SLC6A5: variants seen among roughly 807,000 people sequenced by gnomAD.
SLC6A5 encodes sodium- and chloride-dependent glycine transporter 2.
In SLC6A5, 58 loss-of-function variants were observed where a neutral mutation model predicts 90.5. The observed-to-expected ratio is 0.64, with a 90% confidence interval of 0.52 to 0.80. SLC6A5 has a LOEUF of 0.80. SLC6A5 is among the 30% of genes least tolerant of loss of function. The probability of loss-of-function intolerance (pLI) is 0.00; values close to 1 mark genes in which losing one functional copy is unlikely to be tolerated. For missense variants in SLC6A5, 1,015 were observed against 1,017.6 expected (o/e 1.00, Z 0.03); for synonymous variants, 427 against 401.4 (o/e 1.06, Z -0.76).
At position 20,637,048 on chromosome 11, in the gene SLC6A5, T is replaced by A. The variant is rs1037448428; in HGVS notation, c.1738-124T>A. On this transcript the variant is annotated intron_variant, in intron 11 of 15. Coordinates refer to ENST00000525748, the MANE Select transcript of SLC6A5 (RefSeq NM_004211.5). ...AGGCTTTTTAGACCCATTGAGGGAA[T>A]GCCATCCTAAAAACCAAACCTAACA... 6 of 1,000,372 alleles carry A rather than the reference T, an allele frequency of 6.0e-6. No homozygotes were observed. The African/African-American group carries it at 9.4e-5, about 16-fold the overall frequency. The allele number at this position is 1,000,372 out of a possible 1,614,324, so 62.0% of individuals were successfully genotyped here. A position where few individuals can be genotyped will look rare whatever the true frequency, so the allele number is the denominator to read the frequency against.
At chr11:20,620,862 C>T (rs1852875393) in intron 7 of SLC6A5, among the ~76,000 whole-genome samples, 1 of 151,990 alleles carries the variant, frequency 6.6e-6, no homozygotes, top group South Asian at 2.1e-4. Context: ...TGCAGTGGTG[C>T]CATCTTGGCT....
chr11:20,649,978 T>G (rs1294693711), intron 14 of SLC6A5, among the ~76,000 whole-genome samples: 2 of 152,230 alleles, frequency 1.3e-5, no homozygotes, highest in Admixed American at 6.5e-5. Context: ...ATTGAATTAT[T>G]ATTGTACTGA....
At chr11:20,613,537 T>A (rs1474568011) in intron 5 of SLC6A5, among the ~76,000 whole-genome samples, 1 of 152,144 alleles carries the variant, frequency 6.6e-6, no homozygotes, top group Non-Finnish European at 1.5e-5. Flanking sequence ...ATCATTAAAG[T>A]GTTCAACACA....
At chr11:20,616,433 G>A (rs1852784373) in intron 6 of SLC6A5, among the ~76,000 whole-genome samples, 1 of 152,180 alleles carries the variant, frequency 6.6e-6, no homozygotes, top group African/African-American at 2.4e-5. Flanking sequence ...GCTTTTGATG[G>A]CCTTTACTAA....
At chr11:20,640,179 T>C (rs1287689053) in intron 13 of SLC6A5, among the ~76,000 whole-genome samples, 2 of 152,126 alleles carry the variant, frequency 1.3e-5, no homozygotes, top group Non-Finnish European at 2.9e-5. Context: ...AGACGATCAG[T>C]TGGCAAAGTC....
At chr11:20,652,183 A>C in intron 14 of SLC6A5, 106 bp from the exon 15 acceptor site, 1 of 1,031,496 alleles carries the variant, frequency 9.7e-7, no homozygotes. Flanking sequence ...TGGGTATAGA[A>C]TAATAGAGAC....
chr11:20,601,557 C>T lies in SLC6A5; in HGVS notation c.432C>T (p.Asn144=). Residue 144 remains asparagine (N), a synonymous_variant, in exon 2 of 16, where the codon AAC becomes AAT. Coordinates refer to ENST00000525748, the MANE Select transcript of SLC6A5 (RefSeq NM_004211.5). ...VSVGKGTLER[N]NTPVVGWVNM... ...TGGGCAAGGGCACCCTGGAGCGGAA[C>T]AATACCCCTGTTGTGGGCTGGGTGA... The T allele has an allele frequency of 6.2e-7, 1 of 1,614,166 alleles. No individual in the cohort carries two copies. The highest frequency in any genetic ancestry group is 8.5e-7 in the Non-Finnish European group (1 of 1,179,992).
chr11:20,647,159 C>T (rs1853432128), intron 14 of SLC6A5, among the ~76,000 whole-genome samples: 2 of 148,312 alleles, frequency 1.3e-5, no homozygotes, highest in South Asian at 4.3e-4. Context: ...AGGACTCATG[C>T]AAAGGTCTTT....
chr11:20,611,167 C>T (rs1852686023), intron 5 of SLC6A5, among the ~76,000 whole-genome samples: 1 of 152,200 alleles, frequency 6.6e-6, no homozygotes, highest in African/African-American at 2.4e-5. Context: ...TTTAAAGACT[C>T]CTACCAGCTT....
chr11:20,599,642 C>A lies in SLC6A5; in HGVS notation c.-31C>A. ...TCTTGTCAATAGCGGGTTTCACCCT[C>A]CACCAGTTCAGTCTGTTGCCTGTGT... On this transcript the variant is annotated 5_prime_UTR_variant, in exon 1 of 16. Coordinates refer to ENST00000525748, the MANE Select transcript of SLC6A5 (RefSeq NM_004211.5). 1 of 1,614,158 alleles carries A rather than the reference C, an allele frequency of 6.2e-7. No individual in the cohort carries two copies.
chr11:20,641,151 G>T (rs1341698489), intron 13 of SLC6A5, among the ~76,000 whole-genome samples: 1 of 152,290 alleles, frequency 6.6e-6, no homozygotes, highest in Non-Finnish European at 1.5e-5. Context: ...TATCTAAGTA[G>T]AGTCATTTTG....
At chr11:20,652,208 C>G (rs543628965) in intron 14 of SLC6A5, 81 bp from the exon 15 acceptor site, 1 of 1,291,030 alleles carries the variant, frequency 7.7e-7, no homozygotes, top group African/African-American at 1.4e-5. Flanking sequence ...GCATCAAACT[C>G]ATAACGGGGG....
At chr11:20,625,832 C>T (rs1185317628) in intron 7 of SLC6A5, among the ~76,000 whole-genome samples, 1 of 152,220 alleles carries the variant, frequency 6.6e-6, no homozygotes, top group African/African-American at 2.4e-5. Context: ...TCTCCATGAA[C>T]GTCTTAGTAG....
Position 20,630,809 on chromosome 11 carries a change from G to T in SLC6A5, c.1618G>T (p.Asp540Tyr). Residue 540 changes from aspartate (D) to tyrosine (Y), a missense_variant, in exon 10 of 16, where the codon GAC becomes TAC. Coordinates refer to ENST00000525748, the MANE Select transcript of SLC6A5 (RefSeq NM_004211.5). ...ERKVNIENVA[D>Y]QGPGIAFVVY... ...CAAAGTCAACATTGAGAATGTGGCA[G>T]ACCAAGGTACAGGACAGTTGTTACC... 6.2e-7 allele frequency: 1 copy of T among 1,614,176 alleles called. No homozygotes were observed. Among genetic ancestry groups the T allele is most frequent in the South Asian group, 1.1e-5 (1 of 91,078 alleles).
chr11:20,619,866 C>A (rs550338524), intron 7 of SLC6A5, among the ~76,000 whole-genome samples: 19 of 152,260 alleles, frequency 1.2e-4, no homozygotes, highest in South Asian at 8.3e-4. Context: ...CCCTGAGGAA[C>A]CTGCTGGCTC....
chr11:20,616,792 C>G (rs149446662), intron 6 of SLC6A5, among the ~76,000 whole-genome samples: 1 of 152,318 alleles, frequency 6.6e-6, no homozygotes, highest in African/African-American at 2.4e-5. Context: ...TGCCAAACAG[C>G]CTCTCAAGCT....
In SLC6A5 at chr11:20,632,028, G is replaced by A. The variant is rs75893299; in HGVS notation, c.1624+1213G>A. 2.5e-3 allele frequency among the ~76,000 whole-genome samples: 373 copies of A among 152,240 alleles called. 4 individuals are homozygous for A. Among genetic ancestry groups the A allele is most frequent in the African/African-American group, 8.5e-3 (355 of 41,534 alleles). ...AAAACCCTGAGGGGTGTTTGGTTCC[G>A]CAGCAATGCACTAAATTAGAGGGGC... On this transcript the variant is annotated intron_variant, in intron 10 of 15. Transcript: ENST00000525748.
Position 20,652,409 on chromosome 11 carries a change from A to G in SLC6A5, c.2191A>G (p.Ile731Val). 6.2e-7 allele frequency: 1 copy of G among 1,614,086 alleles called. No homozygotes were observed. Among genetic ancestry groups the G allele is most frequent in the Non-Finnish European group, 8.5e-7 (1 of 1,179,994 alleles). ...CGCCTGTTCCGTCATCTGGATCCCA[A>G]TTATGTTTGTGATAAAAATGCATCT... The part of the protein sequence containing the change: ...MLACSVIWIP[I>V]MFVIKMHLAP... The change falls in exon 15 of 16, where the codon ATT (isoleucine) becomes GTT (valine). Residue 731 changes from isoleucine to valine, a missense_variant. Coordinates refer to ENST00000525748, the MANE Select transcript of SLC6A5 (RefSeq NM_004211.5).
At position 20,628,028 on chromosome 11, in the gene SLC6A5, TG is replaced by T; in HGVS notation, c.1448del (p.Gly483GlufsTer3). The T allele has an allele frequency of 6.2e-7, 1 of 1,614,180 alleles. No homozygotes were observed. Among genetic ancestry groups the T allele is most frequent in the Non-Finnish European group, 8.5e-7 (1 of 1,180,024 alleles). On this transcript the variant is annotated frameshift_variant, in exon 9 of 16. Transcript: ENST00000525748. LOFTEE classifies it high-confidence loss of function. ...GATTTTCTTCTCTTTATCTGCTGCA[TG>T]GGGAGGCCTGATCACTCTCTCTTCT... ...TQIFFSLSAA[W>X]GGLITLSSYN...
Sources: allele counts gnomAD v4.1 joint callset (sites outside exome capture counted in the v4.1 genomes callset), GRCh38; gene constraint gnomAD v4.1.1; transcripts MANE v1.5; gene names NCBI Gene and HGNC (gene_info 2026-07-23, HGNC 2026-07-21).